The following DCC variants were observed in gnomAD, a reference collection of about 807,000 sequenced individuals.
DCC encodes netrin receptor DCC.
Under a neutral mutation model 172.5 loss-of-function variants are expected in DCC, and 58 were observed. That is an observed-to-expected ratio of 0.34 (90% CI 0.27 to 0.42). The LOEUF is 0.42. DCC is among the 10% of genes least tolerant of loss of function. The pLI is 1.00. For missense variants in DCC, 1,740 were observed against 1,791.0 expected (o/e 0.97, Z 0.51); for synonymous variants, 709 against 644.5 (o/e 1.10, Z -1.52).
intron 15 of DCC, among the ~76,000 whole-genome samples, chr18:53,354,484 G>C (rs1356717843): frequency 6.6e-6 from 1 of 152,028 alleles, no homozygotes; most frequent in African/African-American, 2.4e-5. Context: ...ATCTCATTGT[G>C]GTTTTGATTT....
chr18:52,957,497 C>A (rs1446024865), intron 5 of DCC, among the ~76,000 whole-genome samples: 1 of 152,062 alleles, frequency 6.6e-6, no homozygotes, highest in Non-Finnish European at 1.5e-5. Flanking sequence ...ATTTGTAGAA[C>A]ATCTGCTAAA....
At chr18:52,897,162 T>TACG (rs1188733318) in intron 2 of DCC, among the ~76,000 whole-genome samples, 3 of 152,216 alleles carry the variant, frequency 2.0e-5, no homozygotes, top group Non-Finnish European at 2.9e-5. Flanking sequence ...GGGTCTCATG[T>TACG]ATAGTCAGGC....
chr18:52,939,814 T>C (rs2040433327), intron 5 of DCC, among the ~76,000 whole-genome samples: 1 of 152,190 alleles, frequency 6.6e-6, no homozygotes, highest in Admixed American at 6.6e-5. Context: ...GAGGAAAGAA[T>C]AGGGGGCCCT....
At chr18:52,855,552 A>G (rs905650599) in intron 2 of DCC, among the ~76,000 whole-genome samples, 1 of 152,190 alleles carries the variant, frequency 6.6e-6, no homozygotes, top group Non-Finnish European at 1.5e-5. Flanking sequence ...TAGCTTTACC[A>G]AGTATTTGAT....
At chr18:53,164,512 A>C (rs2054888147) in intron 8 of DCC, among the ~76,000 whole-genome samples, 2 of 152,232 alleles carry the variant, frequency 1.3e-5, no homozygotes, top group Non-Finnish European at 1.5e-5. Flanking sequence ...GGGTAAGGCT[A>C]TGTGGCTGTG....
intron 5 of DCC, among the ~76,000 whole-genome samples, chr18:52,942,853 T>G (rs1422158061): frequency 6.6e-6 from 1 of 152,208 alleles, no homozygotes; most frequent in African/African-American, 2.4e-5. Flanking sequence ...GGGTTTGGCT[T>G]GTTCATATTT....
intron 21 of DCC, among the ~76,000 whole-genome samples, chr18:53,417,900 A>G (rs567274327): frequency 6.6e-6 from 1 of 152,290 alleles, no homozygotes; most frequent in Non-Finnish European, 1.5e-5. Flanking sequence ...TTATTTTATG[A>G]AAGGCAAATG....
At chr18:52,983,794 T>C (rs914787069) in intron 5 of DCC, among the ~76,000 whole-genome samples, 2 of 152,150 alleles carry the variant, frequency 1.3e-5, no homozygotes, top group African/African-American at 2.4e-5. Context: ...ACATTTTAAT[T>C]GAGGCAGAAG....
chr18:53,481,136 C>T (rs934920252), intron 25 of DCC: 1 of 152,092 alleles, frequency 6.6e-6, no homozygotes, highest in Non-Finnish European at 1.5e-5. Context: ...TCTTTTTAAA[C>T]CTTATCTTAG....
chr18:53,088,791 T>G (rs2042959941), intron 7 of DCC, among the ~76,000 whole-genome samples: 3 of 152,184 alleles, frequency 2.0e-5, no homozygotes, highest in Admixed American at 2.0e-4. Flanking sequence ...TTCCCAGCAA[T>G]GATTTTCTAT....
At position 53,511,509 on chromosome 18, in the gene DCC, C is replaced by T. The variant is rs1313187149; in HGVS notation, c.4111+11999C>T. Among the ~76,000 whole-genome samples the T allele has an allele frequency of 5.9e-5, 9 of 152,198 alleles. No homozygotes were observed. In the East Asian group the frequency reaches 9.6e-4, roughly 16 times the overall value. On this transcript the variant is annotated intron_variant, in intron 27 of 28. Coordinates refer to ENST00000442544, the MANE Select transcript of DCC (RefSeq NM_005215.4). ...GGTCTACAGCTCCCAGCGTGAGAGA[C>T]GCAGAAGACGGGTGATTTCTGCATT... is the stretch of plus-strand genomic sequence containing the variant.
At chr18:52,761,938 G>A (rs73957681) in intron 2 of DCC, among the ~76,000 whole-genome samples, 12,851 of 100,346 alleles carry the variant, frequency 0.13, 1,965 homozygotes, top group African/African-American at 0.42. Flanking sequence ...AAAAAAAAAA[G>A]AAGAAGGAAA....
chr18:52,423,717 T>C (rs754631945), intron 1 of DCC, among the ~76,000 whole-genome samples: 1 of 152,128 alleles, frequency 6.6e-6, no homozygotes, highest in Non-Finnish European at 1.5e-5. Context: ...ATGGCATTGA[T>C]GAGTAAGAGC....
intron 1 of DCC, among the ~76,000 whole-genome samples, chr18:52,524,845 G>A (rs2031931972): frequency 6.6e-6 from 1 of 151,982 alleles, no homozygotes; most frequent in South Asian, 2.1e-4. Context: ...AGAAGGCCAA[G>A]GGTAATTATT....
intron 2 of DCC, among the ~76,000 whole-genome samples, chr18:52,879,794 C>CAAATG (rs1408438623): frequency 2.0e-5 from 3 of 152,026 alleles, no homozygotes; most frequent in Non-Finnish European, 4.4e-5. Context: ...AATAGGTAAA[C>CAAATG]AAATGGGCAT....
chr18:53,479,406 A>C (rs1421667127), intron 25 of DCC, among the ~76,000 whole-genome samples: 1 of 152,206 alleles, frequency 6.6e-6, no homozygotes, highest in Non-Finnish European at 1.5e-5. Context: ...CTGTATAAAA[A>C]TGGAATTAAA....
intron 7 of DCC, among the ~76,000 whole-genome samples, chr18:53,144,604 C>T (rs1173030652): frequency 1.3e-5 from 2 of 152,178 alleles, no homozygotes; most frequent in Non-Finnish European, 2.9e-5. Context: ...CCTCCCACGA[C>T]ACATGGGAAT....
intron 1 of DCC, among the ~76,000 whole-genome samples, chr18:52,486,099 A>G (rs971430445): frequency 3.3e-5 from 5 of 152,154 alleles, no homozygotes; most frequent in African/African-American, 1.2e-4. Context: ...GTCTCAAGAG[A>G]TTCTCCCACC....
chr18:53,050,677 G>C (rs766097304), intron 5 of DCC, among the ~76,000 whole-genome samples: 6 of 152,068 alleles, frequency 3.9e-5, no homozygotes, highest in Non-Finnish European at 5.9e-5. Flanking sequence ...CTTTTGGACA[G>C]AGACGTTGGG....
Sources: gnomAD v4.1 joint callset for allele counts (sites outside exome capture counted in the v4.1 genomes callset) on GRCh38, gnomAD v4.1.1 for gene constraint, MANE v1.5 for transcripts, NCBI Gene and HGNC (gene_info 2026-07-23, HGNC 2026-07-21) for gene names.